The following TNR variants were observed in gnomAD, a reference collection of about 807,000 sequenced individuals.
The protein encoded by TNR is tenascin-R.
In TNR, 45 loss-of-function variants were observed where a neutral mutation model predicts 150.4. The observed-to-expected ratio is 0.30, with a 90% CI of 0.24 to 0.38. The LOEUF is 0.38. Among genes scored for constraint, TNR ranks in the 10% least tolerant of loss-of-function variants. The pLI, the probability that TNR is intolerant of heterozygous loss-of-function variation, is 1.00. For synonymous variants in TNR, 687 were observed against 678.4 expected (o/e 1.01, Z -0.20); for missense variants, 1,544 against 1,759.1 (o/e 0.88, Z 2.19).
chr1:175,650,943 C>CT (rs1422028909), intron 1 of TNR, among the ~76,000 whole-genome samples: 1 of 21,390 alleles, frequency 4.7e-5, no homozygotes, highest in Non-Finnish European at 9.6e-5. Flanking sequence ...TACTACCCCT[C>CT]CCCATCTCAT....
chr1:175,439,013 G>A lies in TNR; in HGVS notation c.-63-32236C>T, dbSNP rs1308168689. On this transcript the variant is annotated intron_variant, in intron 2 of 22. Transcript: ENST00000367674. ...TACCAATGACTTTCTTCACAGAATT[G>A]GAAAAAACTACTTTAAAGTTCATAT... 5.3e-5 allele frequency among the ~76,000 whole-genome samples: 8 copies of A among 152,002 alleles called. No homozygotes were observed. The East Asian group carries it at 1.4e-3, about 26-fold the overall frequency.
chr1:175,672,188 C>T (rs1339861023), intron 1 of TNR, among the ~76,000 whole-genome samples: 1 of 152,064 alleles, frequency 6.6e-6, no homozygotes, highest in Non-Finnish European at 1.5e-5. Context: ...TTATGAAGAC[C>T]AAATTTAAAA....
chr1:175,612,562 C>T (rs896309380), intron 1 of TNR, among the ~76,000 whole-genome samples: 2 of 152,086 alleles, frequency 1.3e-5, no homozygotes, highest in African/African-American at 4.8e-5. Flanking sequence ...ATTTTTCTTC[C>T]CCCTGAGAAC....
intron 1 of TNR, among the ~76,000 whole-genome samples, chr1:175,563,833 C>A (rs1214308783): frequency 6.6e-6 from 1 of 152,218 alleles, no homozygotes; most frequent in Non-Finnish European, 1.5e-5. Context: ...TGGGTCCTTT[C>A]TGACATGTTG....
chr1:175,620,440 C>T (rs1663931255), intron 1 of TNR, among the ~76,000 whole-genome samples: 2 of 152,230 alleles, frequency 1.3e-5, no homozygotes, highest in Admixed American at 6.5e-5. Flanking sequence ...AACCGCCTTT[C>T]CCTTAACCTG....
Position 175,440,925 on chromosome 1 carries a change from G to C in TNR, c.-63-34148C>G, listed in dbSNP as rs1346975525. Among the ~76,000 whole-genome samples the C allele has an allele frequency of 2.0e-5, 3 of 152,090 alleles. No individual in the cohort carries two copies. The East Asian group carries it at 5.8e-4, about 29-fold the overall frequency. On this transcript the variant is annotated intron_variant, in intron 2 of 22. Coordinates refer to ENST00000367674, the MANE Select transcript of TNR (RefSeq NM_003285.3). The stretch of plus-strand genomic sequence containing the variant: ...TAAGATCCAATAAGCAAATGAAGGG[G>C]GCTGGTTTTAGATAAAAGCCTAGCC...
chr1:175,448,684 C>G (rs2102090204), intron 2 of TNR, among the ~76,000 whole-genome samples: 1 of 152,312 alleles, frequency 6.6e-6, no homozygotes. Flanking sequence ...AGCCAACCAA[C>G]CACACACCCT....
chr1:175,699,990 A>G (rs1666639838), intron 1 of TNR, among the ~76,000 whole-genome samples: 1 of 152,108 alleles, frequency 6.6e-6, no homozygotes, highest in Non-Finnish European at 1.5e-5. Context: ...TTAAATACAC[A>G]AGACTTTCAT....
At chr1:175,469,891 G>A (rs1214535961) in intron 2 of TNR, among the ~76,000 whole-genome samples, 1 of 152,098 alleles carries the variant, frequency 6.6e-6, no homozygotes, top group African/African-American at 2.4e-5. Flanking sequence ...CCAAGCAGGA[G>A]AGAGTGAGGG....
chr1:175,402,263 C>T (rs859406), intron 4 of TNR, among the ~76,000 whole-genome samples: 90,688 of 136,056 alleles, frequency 0.67, 30,461 homozygotes, highest in East Asian at 0.82. Context: ...GCCGAGATTG[C>T]GCCACTGCAG....
chr1:175,428,844 C>T (rs1240296948), intron 2 of TNR, among the ~76,000 whole-genome samples: 2 of 152,202 alleles, frequency 1.3e-5, no homozygotes, highest in African/African-American at 2.4e-5. Context: ...ATTTGTCTGT[C>T]ATCTATCATC....
At chr1:175,564,537 G>A (rs1265295086) in intron 1 of TNR, among the ~76,000 whole-genome samples, 1 of 152,132 alleles carries the variant, frequency 6.6e-6, no homozygotes, top group Non-Finnish European at 1.5e-5. Context: ...TGTATTGGTT[G>A]CACATTTTGA....
rs538879725 is a variant in TNR at position 175,511,702 on chromosome 1, G to A, written c.-64+16567C>T. On this transcript the variant is annotated intron_variant, in intron 2 of 22. Coordinates refer to ENST00000367674, the MANE Select transcript of TNR (RefSeq NM_003285.3). The stretch of plus-strand genomic sequence containing the variant: ...CCCTGCCTGAAAGGGAAGTTAATTT[G>A]TGAGTCATGGAGCCACTACTTCTAA... Among the ~76,000 whole-genome samples, 9 of 152,286 alleles carry A rather than the reference G, an allele frequency of 5.9e-5. No individual in the cohort carries two copies. The East Asian group carries it at 7.7e-4, about 13-fold the overall frequency.
intron 2 of TNR, among the ~76,000 whole-genome samples, chr1:175,500,682 A>G (rs1287642580): frequency 6.6e-6 from 1 of 152,228 alleles, no homozygotes; most frequent in Non-Finnish European, 1.5e-5. Flanking sequence ...AGAGGGCTCC[A>G]TGCAGCAAGG....
At chr1:175,366,243 T>C in intron 10 of TNR, 105 bp from the exon 11 acceptor site, 1 of 1,216,482 alleles carries the variant, frequency 8.2e-7, no homozygotes, top group Non-Finnish European at 1.1e-6. Context: ...CTGCTGACTA[T>C]GAGCACTAGC....
rs771439901 is a variant in TNR at position 175,499,228 on chromosome 1, ATCT to A, written c.-64+29038_-64+29040del. The stretch of plus-strand genomic sequence containing the variant: ...CAGAGTAGAAACTGAACATGACATC[ATCT>A]TCTTCTCCAATTAAAAATTACAAAG... On this transcript the variant is annotated intron_variant, in intron 2 of 22. Coordinates refer to ENST00000367674, the MANE Select transcript of TNR (RefSeq NM_003285.3). Among the ~76,000 whole-genome samples the A allele has an allele frequency of 3.3e-5, 5 of 152,234 alleles. No individual in the cohort carries two copies. In the South Asian group the frequency reaches 6.2e-4, roughly 19 times the overall value.
chr1:175,546,537 C>A (rs750294826), intron 1 of TNR, among the ~76,000 whole-genome samples: 1 of 152,166 alleles, frequency 6.6e-6, no homozygotes, highest in African/African-American at 2.4e-5. Flanking sequence ...AGGGAGGCCA[C>A]GAGGGCAGAG....
At position 175,664,369 on chromosome 1, in the gene TNR, C is replaced by A. The variant is rs563085924; in HGVS notation, c.-165+78857G>T. Among the ~76,000 whole-genome samples the A allele has an allele frequency of 2.0e-5, 3 of 152,254 alleles. No individual in the cohort carries two copies. The South Asian group carries it at 6.2e-4, about 32-fold the overall frequency. ...GAGTAGAGGGGCCTCTTGCCAAACA[C>A]CCACTGCATCAGGTGCGATACATGT... On this transcript the variant is annotated intron_variant, in intron 1 of 22. Transcript: ENST00000367674.
intron 2 of TNR, among the ~76,000 whole-genome samples, chr1:175,489,714 G>A (rs773339873): frequency 6.6e-6 from 1 of 152,120 alleles, no homozygotes; most frequent in Non-Finnish European, 1.5e-5. Context: ...AATAACATTT[G>A]CCATTCAGAG....
Sources: gnomAD v4.1 joint callset for allele counts (sites outside exome capture counted in the v4.1 genomes callset) on GRCh38, gnomAD v4.1.1 for gene constraint, MANE v1.5 for transcripts, NCBI Gene and HGNC (gene_info 2026-07-23, HGNC 2026-07-21) for gene names.